Variants in KLHL29 observed in about 807,000 individuals in gnomAD.
The protein encoded by KLHL29 is kelch-like protein 29.
In KLHL29, 21 loss-of-function variants were observed where a neutral mutation model predicts 80.4. The observed-to-expected ratio is 0.26, with a 90% CI of 0.19 to 0.38. The LOEUF is 0.38. Ranked by LOEUF, KLHL29 falls within the 10% of genes least tolerant of loss-of-function variation. The pLI is 1.00. For synonymous variants in KLHL29, 511 were observed against 526.8 expected, an observed-to-expected ratio of 0.97 and a Z score of 0.41; for missense variants, 867 against 1,223.9, an observed-to-expected ratio of 0.71 and a Z score of 4.35.
chr2:23,690,314 A>C (rs1671504357), intron 6 of KLHL29: 1 of 152,176 alleles, frequency 6.6e-6, no homozygotes, highest in South Asian at 2.1e-4. Flanking sequence ...GCAGAAGAGG[A>C]GGCTGAGGGC....
At chr2:23,541,380 T>C (rs1462107777) in intron 2 of KLHL29, among the ~76,000 whole-genome samples, 1 of 152,202 alleles carries the variant, frequency 6.6e-6, no homozygotes, top group Non-Finnish European at 1.5e-5. Flanking sequence ...AGGGGCTTCC[T>C]TCCATGCTCA....
At chr2:23,475,943 A>G (rs1299514398) in intron 2 of KLHL29, among the ~76,000 whole-genome samples, 2 of 152,222 alleles carry the variant, frequency 1.3e-5, no homozygotes, top group Non-Finnish European at 2.9e-5. Context: ...GCAGTGGCGC[A>G]ATCTTGGCTC....
chr2:23,684,206 C>T lies in KLHL29; in HGVS notation c.941-193C>T, dbSNP rs967481375. On this transcript the variant is annotated intron_variant, in intron 5 of 13. Transcript: ENST00000486442. The surrounding 1 kb of genome is among the most constrained non-coding windows in gnomAD (Gnocchi z 4.4). Reference sequence around the variant, plus strand: ...TGATTCCTTTGGTTATTAGCCCCTCCCAGTGGCTGCTTGTTTATGCATTAT... The same window carrying T: ...TGATTCCTTTGGTTATTAGCCCCTCTCAGTGGCTGCTTGTTTATGCATTAT... Among the ~76,000 whole-genome samples the T allele has an allele frequency of 2.3e-4, 35 of 152,090 alleles. No individual in the cohort carries two copies. The highest frequency in any genetic ancestry group is 8.5e-4 in the Admixed American group (13 of 15,288).
intron 1 of KLHL29, among the ~76,000 whole-genome samples, chr2:23,452,874 C>T (rs1663924355): frequency 1.3e-5 from 2 of 151,730 alleles, no homozygotes; most frequent in African/African-American, 4.9e-5. Context: ...AGTAAGTGGG[C>T]TCTGTTGAGG....
rs1671085412 is a variant in KLHL29 at position 23,681,630 on chromosome 2, T to C, written c.941-2769T>C. The stretch of plus-strand genomic sequence containing the variant: ...CACCCAGGGGGCTACCAAGCAGGTG[T>C]CTCTGCCCTTCTGTGCTAGAGGAAA... On this transcript the variant is annotated intron_variant, in intron 5 of 13. Transcript: ENST00000486442. The surrounding 1 kb of genome is among the most constrained non-coding windows in gnomAD (Gnocchi z 4.2). 2.0e-5 allele frequency among the ~76,000 whole-genome samples: 3 copies of C among 152,266 alleles called. No homozygotes were observed. The highest frequency in any genetic ancestry group is 7.2e-5 in the African/African-American group (3 of 41,560).
chr2:23,593,956 A>T (rs1034091998), intron 3 of KLHL29, among the ~76,000 whole-genome samples: 23 of 152,134 alleles, frequency 1.5e-4, no homozygotes, highest in African/African-American at 4.3e-4. Flanking sequence ...GAAGGGTCTG[A>T]TCATTTCCCT....
intron 3 of KLHL29, among the ~76,000 whole-genome samples, chr2:23,577,070 A>C (rs922213560): frequency 1.3e-5 from 2 of 152,152 alleles, no homozygotes; most frequent in Non-Finnish European, 1.5e-5. Flanking sequence ...AGGCCCCAGG[A>C]TGGAAGGCAG....
At position 23,680,589 on chromosome 2, in the gene KLHL29, C is replaced by T. The variant is rs978139087; in HGVS notation, c.941-3810C>T. Among the ~76,000 whole-genome samples the T allele has an allele frequency of 5.9e-5, 9 of 152,110 alleles. No individual in the cohort carries two copies. The highest frequency in any genetic ancestry group is 1.0e-4 in the Non-Finnish European group (7 of 68,022). ...AGCTGCCAGGACTCCACTCGCCAGACCCCACCGAGCCTCCATGCAGGGAGG... is the reference window on the plus strand; with the variant it reads ...AGCTGCCAGGACTCCACTCGCCAGATCCCACCGAGCCTCCATGCAGGGAGG... On this transcript the variant is annotated intron_variant, in intron 5 of 13. Transcript: ENST00000486442. This position sits in a 1 kb window ranked among gnomAD's most constrained non-coding sequence, Gnocchi z 4.1.
In KLHL29 at chr2:23,404,117, C is replaced by T. The variant is rs1666668343; in HGVS notation, c.-154+18337C>T. 2.0e-5 allele frequency among the ~76,000 whole-genome samples: 3 copies of T among 152,150 alleles called. No individual in the cohort carries two copies. In the South Asian group the frequency reaches 6.2e-4, roughly 32 times the overall value. On this transcript the variant is annotated intron_variant, in intron 1 of 13. Coordinates refer to ENST00000486442, the MANE Select transcript of KLHL29 (RefSeq NM_052920.2). The stretch of plus-strand genomic sequence containing the variant: ...AAAATGAGGAAGAAACTTTCTGTTC[C>T]TCAGCCAGAACGAAATGCGTTTTGC...
At chr2:23,502,724 C>T (rs1340469842) in intron 2 of KLHL29, among the ~76,000 whole-genome samples, 1 of 152,238 alleles carries the variant, frequency 6.6e-6, no homozygotes, top group Non-Finnish European at 1.5e-5. Context: ...CAGTGTGTGT[C>T]TTATTCCCAT....
chr2:23,391,657 A>G (rs1572475741), intron 1 of KLHL29, among the ~76,000 whole-genome samples: 1 of 151,928 alleles, frequency 6.6e-6, no homozygotes, highest in African/African-American at 2.4e-5. Flanking sequence ...CTGGTCTCGA[A>G]CTCCCAACCT....
intron 1 of KLHL29, among the ~76,000 whole-genome samples, chr2:23,422,926 C>T (rs947064692): frequency 2.6e-5 from 4 of 152,254 alleles, no homozygotes. Flanking sequence ...GATCCAGTCA[C>T]TCGCCCACAC....
intron 1 of KLHL29, among the ~76,000 whole-genome samples, chr2:23,460,589 G>A (rs762500025): frequency 4.6e-5 from 7 of 152,084 alleles, no homozygotes; most frequent in Non-Finnish European, 8.8e-5. Flanking sequence ...GAGCTCAGAG[G>A]ATGAGCACTT....
intron 5 of KLHL29, among the ~76,000 whole-genome samples, chr2:23,673,349 C>A (rs898908994): frequency 2.6e-5 from 4 of 151,358 alleles, no homozygotes; most frequent in African/African-American, 9.8e-5. Context: ...CACTTGCATA[C>A]ACACAGACAC....
intron 11 of KLHL29, among the ~76,000 whole-genome samples, chr2:23,698,848 A>ATAAC (rs1420370875): frequency 1.3e-5 from 2 of 152,198 alleles, no homozygotes; most frequent in African/African-American, 4.8e-5. Context: ...GCCACCTGGA[A>ATAAC]TAACAAGCTC....
At position 23,611,650 on chromosome 2, in the gene KLHL29, A is replaced by T. The variant is rs375160628; in HGVS notation, c.286-27489A>T. ...TCAGATACAAGGAGACCACAATAAC[A>T]AATATCAGTAGAAACAACAGAAAAT... On this transcript the variant is annotated intron_variant, in intron 3 of 13. Coordinates refer to ENST00000486442, the MANE Select transcript of KLHL29 (RefSeq NM_052920.2). Among the ~76,000 whole-genome samples, 5 of 152,330 alleles carry T rather than the reference A, an allele frequency of 3.3e-5. No individual in the cohort carries two copies. The East Asian group carries it at 7.7e-4, about 23-fold the overall frequency.
intron 1 of KLHL29, among the ~76,000 whole-genome samples, chr2:23,423,348 C>T (rs1662895586): frequency 6.6e-6 from 1 of 152,218 alleles, no homozygotes; most frequent in African/African-American, 2.4e-5. Flanking sequence ...GTGCCTCCCA[C>T]CCCAGGGTCT....
chr2:23,626,350 C>T (rs779362443), intron 3 of KLHL29, among the ~76,000 whole-genome samples: 1 of 152,142 alleles, frequency 6.6e-6, no homozygotes, highest in Non-Finnish European at 1.5e-5. Flanking sequence ...GCTGTGTGGC[C>T]TAGTTCCTAA....
intron 1 of KLHL29, among the ~76,000 whole-genome samples, chr2:23,432,265 T>G (rs1663202438): frequency 6.6e-6 from 1 of 151,588 alleles, no homozygotes; most frequent in South Asian, 2.1e-4. Context: ...TATTTAATAA[T>G]TAATAATGCC....
Sources: gnomAD v4.1 joint callset for allele counts (sites outside exome capture counted in the v4.1 genomes callset) on GRCh38, gnomAD v4.1.1 for gene constraint, Gnocchi (gnomAD v3.1) non-coding constraint, MANE v1.5 for transcripts, NCBI Gene and HGNC (gene_info 2026-07-23, HGNC 2026-07-21) for gene names.